The following VWA5B1 variants were observed in gnomAD, a reference collection of about 807,000 sequenced individuals.
The protein encoded by VWA5B1 is von Willebrand factor A domain-containing protein 5B1.
Under a neutral mutation model 118.2 loss-of-function variants are expected in VWA5B1, and 115 were observed. The ratio of observed to expected loss-of-function variants is 0.97; its 90% CI spans 0.84 to 1.14. The LOEUF (loss-of-function observed/expected upper bound fraction) is 1.14, where lower values mean the gene tolerates loss of function less well. Among genes scored for constraint, VWA5B1 ranks in the 50% most tolerant of loss-of-function variants. The pLI is 0.00. For missense variants in VWA5B1, 1,596 were observed against 1,603.8 expected (o/e 1.00, Z 0.08); for synonymous variants, 682 against 658.4 (o/e 1.04, Z -0.55).
chr1:20,357,094 C>T lies in VWA5B1; in HGVS notation c.*2831C>T, dbSNP rs1489433969. Among the ~76,000 whole-genome samples, 1 of 152,082 alleles carries T rather than the reference C, an allele frequency of 6.6e-6. No homozygotes were observed. The highest frequency in any genetic ancestry group is 2.4e-5 in the African/African-American group (1 of 41,402). On this transcript the variant is annotated 3_prime_UTR_variant, in exon 22 of 22. Transcript: ENST00000289815. The stretch of plus-strand genomic sequence containing the variant: ...AGGTCATACAAAGGAATATTTATGC[C>T]CTGCACTGTCTGAAGAAAGGGCTAA...
At chr1:20,333,915 G>A (rs916629227) in intron 12 of VWA5B1, among the ~76,000 whole-genome samples, 1 of 152,238 alleles carries the variant, frequency 6.6e-6, no homozygotes, top group African/African-American at 2.4e-5. Context: ...TTGGGCAGGT[G>A]TGGAATGAAT....
intron 5 of VWA5B1, 175 bp from the exon 6 acceptor site, chr1:20,318,415 A>G: frequency 1.2e-6 from 1 of 852,950 alleles, no homozygotes; most frequent in Non-Finnish European, 1.9e-6. Context: ...CTAAGCTTTC[A>G]TTTTACAGGT....
At chr1:20,324,496 A>G (rs1231870690) in intron 8 of VWA5B1, among the ~76,000 whole-genome samples, 2 of 152,298 alleles carry the variant, frequency 1.3e-5, no homozygotes, top group East Asian at 3.9e-4. Context: ...AGGGTCGTCT[A>G]TCCTCTCACC....
chr1:20,343,003 G>A, intron 15 of VWA5B1, 76 bp from the exon 16 acceptor site: 1 of 1,454,688 alleles, frequency 6.9e-7, no homozygotes, highest in Non-Finnish European at 9.1e-7. Flanking sequence ...GCTCCCTGGG[G>A]AGGAATGATG....
chr1:20,342,393 GTCC>G, intron 14 of VWA5B1, 36 bp from the exon 15 acceptor site: 1 of 1,538,308 alleles, frequency 6.5e-7, no homozygotes, highest in South Asian at 1.2e-5. Context: ...CCTCCTCCTC[GTCC>G]TCCTCCTCTT....
At chr1:20,302,052 T>C (rs2088517135) in intron 1 of VWA5B1, among the ~76,000 whole-genome samples, 1 of 152,130 alleles carries the variant, frequency 6.6e-6, no homozygotes, top group Non-Finnish European at 1.5e-5. Flanking sequence ...TGTCTATTTC[T>C]CCCTTCTTCA....
rs2088287312 is a variant in VWA5B1, at chr1:20,291,070, G to A, written c.-45G>A. On this transcript the variant is annotated 5_prime_UTR_variant, in exon 1 of 22. The change creates a new upstream start codon in the 5' untranslated region. Transcript: ENST00000289815. Reference sequence around the variant, plus strand: ...AGAGACAGAGTGTGTACCCAGACACGTGTTGCTTCTGGGGTAAGGTAAGGG... The same window carrying A: ...AGAGACAGAGTGTGTACCCAGACACATGTTGCTTCTGGGGTAAGGTAAGGG... The A allele has an allele frequency of 6.6e-6, 1 of 152,386 alleles. No homozygotes were observed. 9.4% of individuals were successfully genotyped at this position (152,386 alleles called of 1,614,324 possible). A position where few individuals can be genotyped will look rare whatever the true frequency, so the allele number is the denominator to read the frequency against.
At chr1:20,292,850 C>T (rs907102236) in intron 1 of VWA5B1, among the ~76,000 whole-genome samples, 8 of 152,144 alleles carry the variant, frequency 5.3e-5, no homozygotes, top group African/African-American at 1.9e-4. Context: ...GTCACTGTGC[C>T]CGGGTGGGTG....
intron 1 of VWA5B1, among the ~76,000 whole-genome samples, chr1:20,307,179 C>T (rs900384224): frequency 1.4e-4 from 22 of 152,198 alleles, no homozygotes; most frequent in Admixed American, 8.5e-4. Context: ...TTGACAAGCC[C>T]CACTCACACC....
At chr1:20,302,443 A>T (rs1008225487) in intron 1 of VWA5B1, among the ~76,000 whole-genome samples, 1 of 152,178 alleles carries the variant, frequency 6.6e-6, no homozygotes, top group Non-Finnish European at 1.5e-5. Context: ...CCATCCATTC[A>T]TTGTTGAGCA....
At chr1:20,327,807 C>A in intron 8 of VWA5B1, 83 bp from the exon 9 acceptor site, 1 of 1,188,402 alleles carries the variant, frequency 8.4e-7, no homozygotes, top group East Asian at 2.6e-5. Flanking sequence ...TGCTCGTGTG[C>A]TGGGAAAGGG....
intron 12 of VWA5B1, among the ~76,000 whole-genome samples, chr1:20,334,814 G>GA (rs1334210320): frequency 2.0e-5 from 3 of 150,632 alleles, no homozygotes; most frequent in South Asian, 2.1e-4. Flanking sequence ...CTGTCTCCAA[G>GA]AAAAAAAAAT....
At chr1:20,319,256 G>A in intron 6 of VWA5B1, 126 bp from the exon 7 acceptor site, 2 of 1,386,272 alleles carry the variant, frequency 1.4e-6, no homozygotes, top group Non-Finnish European at 1.9e-6. Context: ...CAGGCAGCCA[G>A]GGCTTCCACC....
chr1:20,321,187 C>T (rs1333440588), intron 7 of VWA5B1, among the ~76,000 whole-genome samples: 1 of 150,382 alleles, frequency 6.6e-6, no homozygotes, highest in African/African-American at 2.4e-5. Flanking sequence ...CAGATTAATT[C>T]CCTCACTTAT....
Position 20,322,499 on chromosome 1 carries a change from T to C in VWA5B1, c.967-857T>C, listed in dbSNP as rs1483264104. Among the ~76,000 whole-genome samples, 4 of 152,246 alleles carry C rather than the reference T, an allele frequency of 2.6e-5. No homozygotes were observed. In the East Asian group the frequency reaches 7.7e-4, roughly 29 times the overall value. The stretch of plus-strand genomic sequence containing the variant: ...CACCAAGGCCCTGTCCCTTCCTTAA[T>C]CTTTACTGATCCATCTCTGGACTAG... On this transcript the variant is annotated intron_variant, in intron 7 of 21. Coordinates refer to ENST00000289815, the MANE Select transcript of VWA5B1 (RefSeq NM_001039500.3).
At chr1:20,324,595 G>A (rs955576924) in intron 8 of VWA5B1, among the ~76,000 whole-genome samples, 6 of 152,112 alleles carry the variant, frequency 3.9e-5, no homozygotes, top group African/African-American at 7.2e-5. Context: ...ACTGAGTTCA[G>A]GAGAACAAGG....
At chr1:20,311,478 G>A (rs1463433508) in intron 2 of VWA5B1, among the ~76,000 whole-genome samples, 4 of 152,242 alleles carry the variant, frequency 2.6e-5, no homozygotes, top group African/African-American at 9.6e-5. Context: ...AGATGCCCTG[G>A]ATTGTGGCGG....
rs184333925 is a variant in VWA5B1 at position 20,345,605 on chromosome 1, G to A, written c.2764+12G>A. 23 of 1,536,492 alleles carry A rather than the reference G, an allele frequency of 1.5e-5. No individual in the cohort carries two copies. The highest frequency in any genetic ancestry group is 9.8e-5 in the South Asian group (8 of 81,704). On this transcript the variant is annotated intron_variant, in intron 17 of 21. Transcript: ENST00000289815. Reference sequence around the variant, plus strand: ...GTACCCCAACTCTGGTAAGGCAGGCGAGCGGCCGGGGGCACTCCTGGGGGC... The same window carrying A: ...GTACCCCAACTCTGGTAAGGCAGGCAAGCGGCCGGGGGCACTCCTGGGGGC...
Position 20,335,290 on chromosome 1 carries a change from G to A in VWA5B1, c.1759-1013G>A, listed in dbSNP as rs1159124226. ...ATGATGCCACTGCACTCCAGCCTAC[G>A]TGCAGTGTGGAGACCCTATCTCTAA... On this transcript the variant is annotated intron_variant, in intron 12 of 21. Transcript: ENST00000289815. Among the ~76,000 whole-genome samples the A allele has an allele frequency of 3.9e-5, 6 of 152,226 alleles. 1 individual carries two copies. The highest frequency in any genetic ancestry group is 1.2e-4 in the African/African-American group (5 of 41,454).
Sources: allele counts gnomAD v4.1 joint callset (sites outside exome capture counted in the v4.1 genomes callset), GRCh38; gene constraint gnomAD v4.1.1; transcripts MANE v1.5; gene names NCBI Gene and HGNC (gene_info 2026-07-23, HGNC 2026-07-21).